The following PRKCE variants were observed in gnomAD, a reference collection of about 807,000 sequenced individuals.
The protein encoded by PRKCE is protein kinase C epsilon type.
PRKCE carries 16 observed loss-of-function variants against 85.4 expected under a neutral mutation model. The observed-to-expected ratio is 0.19, with a 90% confidence interval of 0.13 to 0.28. PRKCE has a LOEUF of 0.28. Among genes scored for constraint, PRKCE ranks in the 10% least tolerant of loss-of-function variants. PRKCE has a pLI of 1.00. For missense variants in PRKCE, 573 were observed against 975.2 expected, an observed-to-expected ratio of 0.59 and a Z score of 5.49; for synonymous variants, 388 against 371.5, an observed-to-expected ratio of 1.04 and a Z score of -0.51.
At chr2:45,777,059 A>C (rs553105702) in intron 1 of PRKCE, among the ~76,000 whole-genome samples, 1 of 152,318 alleles carries the variant, frequency 6.6e-6, no homozygotes, top group South Asian at 2.1e-4. Flanking sequence ...GTGAGTTCCC[A>C]GAACATCAGT....
In PRKCE at chr2:46,143,181, G is replaced by A. The variant is rs141397636; in HGVS notation, c.1593-1912G>A. 2.6e-5 allele frequency among the ~76,000 whole-genome samples: 4 copies of A among 152,296 alleles called. No individual in the cohort carries two copies. The East Asian group carries it at 7.7e-4, about 29-fold the overall frequency. On this transcript the variant is annotated intron_variant, in intron 11 of 14. Coordinates refer to ENST00000306156, the MANE Select transcript of PRKCE (RefSeq NM_005400.3). ...ACTCACAGAGCTATGCAATGGAACT[G>A]TTTAATGGAATTCACAGTGCTGAGC...
intron 1 of PRKCE, among the ~76,000 whole-genome samples, chr2:45,835,941 C>T (rs1025767387): frequency 2.0e-5 from 3 of 152,152 alleles, no homozygotes; most frequent in South Asian, 2.1e-4. Flanking sequence ...ATGGATGTAG[C>T]ATGGTTTGCT....
Position 46,176,502 on chromosome 2 carries a change from T to C in PRKCE, c.2068-8233T>C, listed in dbSNP as rs568546693. On this transcript the variant is annotated intron_variant, in intron 14 of 14. Transcript: ENST00000306156. ...TGGGAAAATGTGAACTTAGGACACT[T>C]TGAAATTGATATTATTAAAGGAAGT... Among the ~76,000 whole-genome samples the C allele has an allele frequency of 1.2e-3, 189 of 152,290 alleles. 2 individuals are homozygous for C. The Middle Eastern group carries it at 0.02, about 16-fold the overall frequency.
intron 1 of PRKCE, among the ~76,000 whole-genome samples, chr2:45,716,621 AAGG>A (rs1680117826): frequency 2.1e-5 from 3 of 143,976 alleles, no homozygotes; most frequent in African/African-American, 7.9e-5. Flanking sequence ...GAAGAAGAAG[AAGG>A]AGAAGGAGAA....
At chr2:46,050,978 T>C (rs1360352359) in intron 10 of PRKCE, among the ~76,000 whole-genome samples, 1 of 152,118 alleles carries the variant, frequency 6.6e-6, no homozygotes, top group Non-Finnish European at 1.5e-5. Flanking sequence ...CTCACTGTCA[T>C]CACTTCCTTT....
Position 45,905,678 on chromosome 2 carries a change from G to A in PRKCE, c.412+62615G>A, listed in dbSNP as rs1482576707. The stretch of plus-strand genomic sequence containing the variant: ...GCTGGGGAACCTCTGATGCTGGGAG[G>A]GTGGATGCCAGGTGGTGGAACACTG... On this transcript the variant is annotated intron_variant, in intron 2 of 14. Transcript: ENST00000306156. This position sits in a 1 kb window ranked among gnomAD's most constrained non-coding sequence, Gnocchi z 4.4. Among the ~76,000 whole-genome samples the A allele has an allele frequency of 6.6e-6, 1 of 152,198 alleles. No homozygotes were observed. Among genetic ancestry groups the A allele is most frequent in the African/African-American group, 2.4e-5 (1 of 41,452 alleles).
rs187729125 is a variant in PRKCE at position 45,665,085 on chromosome 2, C to T, written c.348+12637C>T. On this transcript the variant is annotated intron_variant, in intron 1 of 14. Transcript: ENST00000306156. ...CATAGCCAGCCTTCTGAAAAGATTACTGTACTCTCAGTGAGGAAATATGCA... is the reference window on the plus strand; with the variant it reads ...CATAGCCAGCCTTCTGAAAAGATTATTGTACTCTCAGTGAGGAAATATGCA... 9.2e-5 allele frequency among the ~76,000 whole-genome samples: 14 copies of T among 152,344 alleles called. No homozygotes were observed. The East Asian group carries it at 2.7e-3, about 29-fold the overall frequency.
intron 1 of PRKCE, among the ~76,000 whole-genome samples, chr2:45,823,532 T>C (rs1478312089): frequency 6.6e-6 from 1 of 152,178 alleles, no homozygotes; most frequent in Non-Finnish European, 1.5e-5. Context: ...ACTTGACTAA[T>C]TGGGTACCAG....
In PRKCE at chr2:46,178,688, G is replaced by A. The variant is rs370467757; in HGVS notation, c.2068-6047G>A. Among the ~76,000 whole-genome samples, 4 of 152,314 alleles carry A rather than the reference G, an allele frequency of 2.6e-5. No individual in the cohort carries two copies. The South Asian group carries it at 6.2e-4, about 24-fold the overall frequency. ...AGAATATTTAAAAGAGAAAAGTGGA[G>A]CATAGACAAGAATATGGACATTTCA... is the stretch of plus-strand genomic sequence containing the variant. On this transcript the variant is annotated intron_variant, in intron 14 of 14. Transcript: ENST00000306156.
In PRKCE at chr2:45,882,185, G is replaced by A. The variant is rs141094033; in HGVS notation, c.412+39122G>A. The stretch of plus-strand genomic sequence containing the variant: ...CATGATGTCATAGCTAATATGTGGC[G>A]ACTGGGTTTCGAGTTTCAGGTTGAG... On this transcript the variant is annotated intron_variant, in intron 2 of 14. Transcript: ENST00000306156. Among the ~76,000 whole-genome samples the A allele has an allele frequency of 3.9e-5, 6 of 152,234 alleles. No individual in the cohort carries two copies. In the East Asian group the frequency reaches 7.7e-4, roughly 20 times the overall value.
chr2:45,865,815 C>CTTCTTCTTT (rs779577778), intron 2 of PRKCE, among the ~76,000 whole-genome samples: 1 of 133,668 alleles, frequency 7.5e-6, no homozygotes, highest in Non-Finnish European at 1.6e-5. Flanking sequence ...TCTTCTTCTT[C>CTTCTTCTTT]TTTTTTTTTT....
chr2:45,849,673 G>A (rs1323634147), intron 2 of PRKCE, among the ~76,000 whole-genome samples: 1 of 152,074 alleles, frequency 6.6e-6, no homozygotes, highest in African/African-American at 2.4e-5. Context: ...CCCTAGACAT[G>A]CATGGACATG....
chr2:45,980,210 T>TG (rs1702774753), intron 4 of PRKCE, 86 bp from the exon 5 acceptor site: 6 of 1,310,436 alleles, frequency 4.6e-6, no homozygotes, highest in Non-Finnish European at 5.4e-6. Flanking sequence ...GCTCCCCTTG[T>TG]CACTCCACCA....
chr2:46,174,612 C>T (rs1171019093), intron 14 of PRKCE, among the ~76,000 whole-genome samples: 2 of 152,142 alleles, frequency 1.3e-5, no homozygotes, highest in African/African-American at 4.8e-5. Context: ...CCCAGGCTCC[C>T]CCATGCCACA....
At chr2:45,925,591 C>T (rs985678012) in intron 2 of PRKCE, among the ~76,000 whole-genome samples, 3 of 152,156 alleles carry the variant, frequency 2.0e-5, no homozygotes, top group East Asian at 1.9e-4. Flanking sequence ...CCACCGCGCC[C>T]GGCCAAGCAT....
chr2:45,701,937 A>G (rs6755694), intron 1 of PRKCE, among the ~76,000 whole-genome samples: 48,503 of 152,016 alleles, frequency 0.32, 8,098 homozygotes, highest in African/African-American at 0.41. Context: ...TCACACCTGT[A>G]ATCTGAGAAT....
intron 11 of PRKCE, among the ~76,000 whole-genome samples, chr2:46,121,221 A>G (rs1673285274): frequency 6.6e-6 from 1 of 152,226 alleles, no homozygotes; most frequent in Non-Finnish European, 1.5e-5. Flanking sequence ...TTATGCCAAT[A>G]ATGCTTTGGC....
intron 1 of PRKCE, among the ~76,000 whole-genome samples, chr2:45,744,463 T>C (rs1291575607): frequency 7.9e-5 from 5 of 63,208 alleles, no homozygotes; most frequent in African/African-American, 2.1e-4. Context: ...CTTTCTTTCT[T>C]TCTTTCTTTC....
At chr2:45,876,706 A>C (rs1228965865) in intron 2 of PRKCE, among the ~76,000 whole-genome samples, 1 of 152,198 alleles carries the variant, frequency 6.6e-6, no homozygotes, top group Non-Finnish European at 1.5e-5. Context: ...CTGGATAGCT[A>C]TCTTGGCCAG....
Sources: allele counts gnomAD v4.1 joint callset (sites outside exome capture counted in the v4.1 genomes callset), GRCh38; gene constraint gnomAD v4.1.1; non-coding constraint Gnocchi (gnomAD v3.1); transcripts MANE v1.5; gene names NCBI Gene and HGNC (gene_info 2026-07-23, HGNC 2026-07-21).